Variants in ARHGAP21 observed in about 807,000 individuals in gnomAD.
The protein encoded by ARHGAP21 is Rho GTPase activating protein 21, also known as rho GTPase-activating protein 21.
A neutral mutation model predicts 164.6 loss-of-function variants in ARHGAP21; 38 were observed. That is an observed-to-expected ratio of 0.23 (90% CI 0.18 to 0.30). ARHGAP21 has a LOEUF of 0.30. Ranked by LOEUF, ARHGAP21 falls within the 10% of genes least tolerant of loss-of-function variation. The pLI, the probability that ARHGAP21 is intolerant of heterozygous loss-of-function variation, is 1.00. For missense variants in ARHGAP21, 1,822 were observed against 2,370.7 expected, an observed-to-expected ratio of 0.77 and a Z score of 4.81; for synonymous variants, 766 against 857.9, an observed-to-expected ratio of 0.89 and a Z score of 1.87.
At chr10:24,708,229 C>T (rs566802730) in intron 2 of ARHGAP21, among the ~76,000 whole-genome samples, 5 of 152,202 alleles carry the variant, frequency 3.3e-5, no homozygotes, top group Non-Finnish European at 5.9e-5. Flanking sequence ...GGCCTCTGTC[C>T]GTCCCTTAAT....
chr10:24,664,652 A>AT (rs1180058914), intron 4 of ARHGAP21, among the ~76,000 whole-genome samples: 6 of 151,820 alleles, frequency 4.0e-5, no homozygotes, highest in Non-Finnish European at 7.4e-5. Flanking sequence ...AATTTAATTA[A>AT]TTTTTTACCA....
At chr10:24,601,893 A>AT in intron 13 of ARHGAP21, 85 bp downstream of exon 13, 22 of 1,317,944 alleles carry the variant, frequency 1.7e-5, no homozygotes, top group Non-Finnish European at 2.2e-5. Context: ...TCTGGATATC[A>AT]TGCCATTTTA....
At chr10:24,682,800 G>T (rs922088382) in intron 2 of ARHGAP21, among the ~76,000 whole-genome samples, 1 of 151,658 alleles carries the variant, frequency 6.6e-6, no homozygotes, top group Admixed American at 6.6e-5. Flanking sequence ...GTTTTTCAGC[G>T]GGTATTGAAC....
chr10:24,703,178 G>A (rs1843878376), intron 2 of ARHGAP21, among the ~76,000 whole-genome samples: 1 of 152,070 alleles, frequency 6.6e-6, no homozygotes, highest in Admixed American at 6.6e-5. Context: ...AACAGGAGTT[G>A]AATTTGAAGG....
intron 9 of ARHGAP21, among the ~76,000 whole-genome samples, chr10:24,614,148 AG>A (rs2077378539): frequency 6.6e-6 from 1 of 152,220 alleles, no homozygotes. Flanking sequence ...AAAAGCAGCA[AG>A]GGAGTAGAAA....
At chr10:24,695,359 A>C (rs1454278143) in intron 2 of ARHGAP21, among the ~76,000 whole-genome samples, 1 of 151,986 alleles carries the variant, frequency 6.6e-6, no homozygotes, top group Non-Finnish European at 1.5e-5. Context: ...ACTTGAAATC[A>C]TGAGTTTAAG....
intron 6 of ARHGAP21, among the ~76,000 whole-genome samples, chr10:24,632,913 T>A (rs1054754875): frequency 3.3e-5 from 5 of 152,172 alleles, no homozygotes; most frequent in Non-Finnish European, 5.9e-5. Context: ...TATCTAACTT[T>A]AGAGCTCAAA....
At chr10:24,693,701 T>C (rs1395357305) in intron 2 of ARHGAP21, among the ~76,000 whole-genome samples, 1 of 151,910 alleles carries the variant, frequency 6.6e-6, no homozygotes, top group East Asian at 1.9e-4. Context: ...AACACCCTCA[T>C]CCCTCTCCCC....
chr10:24,667,415 A>G (rs1174094726), intron 3 of ARHGAP21, among the ~76,000 whole-genome samples: 1 of 151,998 alleles, frequency 6.6e-6, no homozygotes, highest in East Asian at 1.9e-4. Flanking sequence ...ACTGTACTAT[A>G]CTTAAATGTG....
At chr10:24,597,194 G>C (rs940190620) in intron 16 of ARHGAP21, among the ~76,000 whole-genome samples, 1 of 151,892 alleles carries the variant, frequency 6.6e-6, no homozygotes, top group Non-Finnish European at 1.5e-5. Context: ...TGAATCCTCG[G>C]AGTCATTTAA....
In ARHGAP21 at chr10:24,620,154, A is replaced by G; in HGVS notation, c.1741T>C (p.Ser581Pro). The change falls in exon 9 of 26, where the codon TCG (serine) becomes CCG (proline). Residue 581 changes from serine (S) to proline (P), a missense_variant. By Grantham distance (74) the Ser-to-Pro change is moderately conservative. This residue lies in a region of ARHGAP21 where 1,090 missense variants were observed against 1,378.9 expected (regional missense o/e 0.79). Coordinates refer to ENST00000396432, the MANE Select transcript of ARHGAP21 (RefSeq NM_020824.4). ...TCTGGTGGAATTTTTTTAAACTGCG[A>G]CACAGATCCCACTCCTCTACCACTC... ...RMSGRGVGSV[S>P]QFKKIPPDLK... The G allele has an allele frequency of 5.0e-6, 8 of 1,613,968 alleles. No individual in the cohort carries two copies. The highest frequency in any genetic ancestry group is 6.8e-6 in the Non-Finnish European group (8 of 1,179,878).
chr10:24,590,276 A>G (rs1279246163), intron 24 of ARHGAP21: 4 of 1,521,048 alleles, frequency 2.6e-6, no homozygotes, highest in Non-Finnish European at 3.5e-6. Context: ...AGAAAGTAGT[A>G]TTGATCTGTT....
Position 24,600,749 on chromosome 10 carries a change from C to G in ARHGAP21, c.3029G>C (p.Arg1010Pro). 1 of 1,613,894 alleles carries G rather than the reference C, an allele frequency of 6.2e-7. No homozygotes were observed. Among genetic ancestry groups the G allele is most frequent in the Non-Finnish European group, 8.5e-7 (1 of 1,179,860 alleles). ...YSETKRKNVF[R>P]LTTSDCECLF... ...GCATTCACAGTCGGACGTGGTGAGTCGAAACACATTTTTCCTCTTGGTCTC... is the reference window on the plus strand; with the variant it reads ...GCATTCACAGTCGGACGTGGTGAGTGGAAACACATTTTTCCTCTTGGTCTC... Residue 1010 changes from arginine to proline, a missense_variant, in exon 14 of 26, where the codon CGA becomes CCA. This residue lies in a region of ARHGAP21 where 1,090 missense variants were observed against 1,378.9 expected (regional missense o/e 0.79). Transcript: ENST00000396432.
At chr10:24,592,419 T>C (rs2076374726) in intron 21 of ARHGAP21, among the ~76,000 whole-genome samples, 1 of 152,076 alleles carries the variant, frequency 6.6e-6, no homozygotes, top group African/African-American at 2.4e-5. Context: ...TTAGCATTCA[T>C]TTTTTTCCAA....
At chr10:24,637,312 G>A (rs1231652610) in intron 4 of ARHGAP21, among the ~76,000 whole-genome samples, 1 of 152,178 alleles carries the variant, frequency 6.6e-6, no homozygotes, top group Non-Finnish European at 1.5e-5. Flanking sequence ...TTCCTATCAA[G>A]TTGGTGATCA....
rs1446743395 is a variant in ARHGAP21 at position 24,657,281 on chromosome 10, G to T, written c.268+9704C>A. ...CAGCCCCCGGCCGGCCAGCCGCCCC[G>T]TCCGGGAGGGAGGTGGGGGGGGGGT... On this transcript the variant is annotated intron_variant, in intron 4 of 25. Coordinates refer to ENST00000396432, the MANE Select transcript of ARHGAP21 (RefSeq NM_020824.4). Among the ~76,000 whole-genome samples, 2 of 33,462 alleles carry T rather than the reference G, an allele frequency of 6.0e-5. 1 individual carries two copies. Among genetic ancestry groups the T allele is most frequent in the Non-Finnish European group, 1.0e-4 (2 of 19,680 alleles). The allele number at this position is 33,462 out of a possible 152,430, so 22.0% of individuals were successfully genotyped here.
At chr10:24,677,203 G>C (rs1008685385) in intron 2 of ARHGAP21, among the ~76,000 whole-genome samples, 1 of 152,214 alleles carries the variant, frequency 6.6e-6, no homozygotes, top group Non-Finnish European at 1.5e-5. Context: ...CTAAGCGACA[G>C]AGCGAGACTC....
intron 2 of ARHGAP21, among the ~76,000 whole-genome samples, chr10:24,702,925 A>G (rs1843836527): frequency 6.6e-6 from 1 of 152,230 alleles, no homozygotes; most frequent in East Asian, 1.9e-4. Flanking sequence ...ACATTATAAG[A>G]GCAGAACACT....
At chr10:24,601,496 CTT>C (rs996587411) in intron 13 of ARHGAP21, among the ~76,000 whole-genome samples, 4 of 152,010 alleles carry the variant, frequency 2.6e-5, no homozygotes, top group Non-Finnish European at 5.9e-5. Flanking sequence ...ATGGCAAAGT[CTT>C]TTTCTGTTGA....
Sources: gnomAD v4.1 joint callset for allele counts (sites outside exome capture counted in the v4.1 genomes callset) on GRCh38, gnomAD v4.1.1 for gene constraint, gnomAD v4.1.1 regional missense constraint, MANE v1.5 for transcripts, NCBI Gene and HGNC (gene_info 2026-07-23, HGNC 2026-07-21) for gene names.